SLC14A2: variants seen among roughly 807,000 people sequenced by gnomAD.
The protein encoded by SLC14A2 is solute carrier family 14 member 2, also known as urea transporter 2.
In SLC14A2, 91 loss-of-function variants were observed where a neutral mutation model predicts 104.6. That is an observed-to-expected ratio of 0.87 (90% CI 0.73 to 1.04). The LOEUF is 1.04. Among genes scored for constraint, SLC14A2 ranks in the 50% least tolerant of loss-of-function variants. The pLI, the probability that SLC14A2 is intolerant of heterozygous loss-of-function variation, is 0.00. For synonymous variants in SLC14A2, 476 were observed against 466.4 expected, an observed-to-expected ratio of 1.02 and a Z score of -0.27; for missense variants, 1,189 against 1,156.0, an observed-to-expected ratio of 1.03 and a Z score of -0.41.
At chr18:45,666,381 TCA>T (rs138028714) in intron 12 of SLC14A2, among the ~76,000 whole-genome samples, 162 bp downstream of exon 12, 1,595 of 152,326 alleles carry the variant, frequency 0.01, 23 homozygotes, top group African/African-American at 0.037. Context: ...AATGTCTCTT[TCA>T]CAGTTTACTT....
At chr18:45,349,353 A>G (rs1211343833) in intron 1 of SLC14A2, among the ~76,000 whole-genome samples, 3 of 152,230 alleles carry the variant, frequency 2.0e-5, no homozygotes, top group Non-Finnish European at 4.4e-5. Context: ...GTATACCAAA[A>G]GTGGGATGCT....
rs60977948 is a variant in SLC14A2, at chr18:45,542,035, G to GTTTTTTTTTTT, written c.-35+58740_-35+58750dup. ...GGGCTTGTTAGATGAAAGAGAGAGG[G>GTTTTTTTTTTT]TTTTTTTTTTTTTTTTTTTTTTTTT... On this transcript the variant is annotated intron_variant, in intron 2 of 20. Transcript: ENST00000586448. 7.6e-4 allele frequency among the ~76,000 whole-genome samples: 41 copies of GTTTTTTTTTTT among 54,228 alleles called. 4 individuals carry two copies. The highest frequency in any genetic ancestry group is 1.1e-3 in the African/African-American group (17 of 16,070). The allele number at this position is 54,228 out of a possible 152,430, so 35.6% of individuals were successfully genotyped here. A position where few individuals can be genotyped will look rare whatever the true frequency, so the allele number is the denominator to read the frequency against.
intron 1 of SLC14A2, among the ~76,000 whole-genome samples, chr18:45,261,062 T>C (rs1047426557): frequency 6.6e-6 from 1 of 152,278 alleles, no homozygotes; most frequent in South Asian, 2.1e-4. Flanking sequence ...GTGCACAATG[T>C]TCAGGTTAGT....
chr18:45,679,921 G>A (rs754306757), intron 19 of SLC14A2, among the ~76,000 whole-genome samples: 1 of 152,100 alleles, frequency 6.6e-6, no homozygotes, highest in Non-Finnish European at 1.5e-5. Context: ...GTACTCATTG[G>A]TCTTCTTCTA....
In SLC14A2 at chr18:45,294,586, A is replaced by G. The variant is rs112789923; in HGVS notation, c.-125+81395A>G. On this transcript the variant is annotated intron_variant, in intron 1 of 20. Coordinates refer to the SLC14A2 transcript ENST00000586448. ...AATGTGGCATGCTTGGGCCCCATAC[A>G]TTTTTTAAGTGCTTACTAAGCTATG... is the stretch of plus-strand genomic sequence containing the variant. 2.5e-3 allele frequency among the ~76,000 whole-genome samples: 375 copies of G among 152,334 alleles called. 2 individuals carry two copies. The highest frequency in any genetic ancestry group is 8.7e-3 in the African/African-American group (362 of 41,570).
intron 1 of SLC14A2, among the ~76,000 whole-genome samples, chr18:45,236,035 G>T (rs1249909134): frequency 2.3e-5 from 1 of 43,704 alleles, no homozygotes; most frequent in Non-Finnish European, 3.7e-5. Context: ...ATACATATAT[G>T]TGTGTATATA....
chr18:45,463,423 G>A (rs571642748), intron 1 of SLC14A2, among the ~76,000 whole-genome samples: 1 of 152,334 alleles, frequency 6.6e-6, no homozygotes, highest in Non-Finnish European at 1.5e-5. Context: ...TAAGGGAGAT[G>A]ATGAGGGGGG....
chr18:45,236,519 A>G lies in SLC14A2; in HGVS notation c.-125+23328A>G, dbSNP rs867229412. On this transcript the variant is annotated intron_variant, in intron 1 of 20. Transcript: ENST00000586448. ...TATATATACATGTATGTGTGTATAT[A>G]TGTGTATATATGTATATATACATGT... 4.2e-5 allele frequency among the ~76,000 whole-genome samples: 4 copies of G among 96,374 alleles called. 1 individual carries two copies. Among genetic ancestry groups the G allele is most frequent in the Non-Finnish European group, 6.1e-5 (3 of 48,946 alleles). 63.2% of individuals were successfully genotyped at this position (96,374 alleles called of 152,430 possible). A position where few individuals can be genotyped will look rare whatever the true frequency, so the allele number is the denominator to read the frequency against.
intron 10 of SLC14A2, among the ~76,000 whole-genome samples, chr18:45,645,632 A>ATATATATATATACATATATATAT (rs1568312070): frequency 1.4e-4 from 1 of 7,096 alleles, no homozygotes; most frequent in Non-Finnish European, 4.9e-4. Context: ...TACATATACA[A>ATATATATATATACATATATATAT]AGATATATAT....
At chr18:45,541,651 C>A (rs948133597) in intron 2 of SLC14A2, among the ~76,000 whole-genome samples, 3 of 152,212 alleles carry the variant, frequency 2.0e-5, no homozygotes, top group Non-Finnish European at 4.4e-5. Flanking sequence ...ACCTAAGAGC[C>A]AGACCCAGCC....
chr18:45,614,913 T>C (rs1382971306), upstream of SLC14A2: 2 of 151,186 alleles, frequency 1.3e-5, no homozygotes, highest in African/African-American at 4.9e-5. Flanking sequence ...TTCTTCTGTC[T>C]CAGCCTCCCA....
chr18:45,536,998 C>T (rs1161763319), intron 2 of SLC14A2, among the ~76,000 whole-genome samples: 2 of 144,886 alleles, frequency 1.4e-5, no homozygotes, highest in African/African-American at 5.2e-5. Flanking sequence ...GAGCTCTCAT[C>T]GGGTGGTTCG....
At chr18:45,218,896 T>TA (rs59483107) in intron 1 of SLC14A2, among the ~76,000 whole-genome samples, 28,567 of 143,066 alleles carry the variant, frequency 0.2, 2,721 homozygotes, top group African/African-American at 0.25. Context: ...CTTGCTGCTT[T>TA]AAAAAAAAAA....
the SLC14A2 span, among the ~76,000 whole-genome samples, chr18:45,171,785 G>C: frequency 2.0e-5 from 3 of 152,094 alleles, no homozygotes; most frequent in Admixed American, 6.6e-5. Context: ...CAATTTATTA[G>C]GACCTGGTGG....
In SLC14A2 at chr18:45,413,579, G is replaced by A. The variant is rs142565753; in HGVS notation, c.-124-69654G>A. On this transcript the variant is annotated intron_variant, in intron 1 of 20. Coordinates refer to the SLC14A2 transcript ENST00000586448. Reference sequence around the variant, plus strand: ...CTCTTTCCTCTCCCTGCTTAAGAAGGAGCAGTCAGAATTATAAGGTCATGG... The same window carrying A: ...CTCTTTCCTCTCCCTGCTTAAGAAGAAGCAGTCAGAATTATAAGGTCATGG... 7.2e-5 allele frequency among the ~76,000 whole-genome samples: 11 copies of A among 152,252 alleles called. No homozygotes were observed. In the East Asian group the frequency reaches 2.1e-3, roughly 29 times the overall value.
intron 1 of SLC14A2, among the ~76,000 whole-genome samples, chr18:45,247,914 A>T (rs868861721): frequency 4.4e-4 from 67 of 152,056 alleles, no homozygotes; most frequent in African/African-American, 1.6e-3. Context: ...TGGAATTACA[A>T]TTCCTGATTC....
chr18:45,673,018 C>T lies in SLC14A2; in HGVS notation c.2348C>T (p.Ala783Val). 1 of 1,614,144 alleles carries T rather than the reference C, an allele frequency of 6.2e-7. No homozygotes were observed. Residue 783 changes from alanine (A) to valine (V), a missense_variant, in exon 17 of 20, where the codon GCA becomes GTA. Coordinates refer to ENST00000255226, the MANE Select transcript of SLC14A2 (RefSeq NM_007163.4). ...TCACCTCTCATTTGCTTGCATGCAG[C>T]AATTGGATCCACCATGGGGATGCTA... ...ISSPLICLHA[A>V]IGSTMGMLAA...
chr18:45,283,326 T>C (rs1010913626), intron 1 of SLC14A2, among the ~76,000 whole-genome samples: 2 of 140,718 alleles, frequency 1.4e-5, no homozygotes, highest in Admixed American at 7.1e-5. Context: ...GCACAGCTTA[T>C]AATGCTGTGA....
At chr18:45,442,632 A>G (rs919701071) in intron 1 of SLC14A2, among the ~76,000 whole-genome samples, 1 of 152,186 alleles carries the variant, frequency 6.6e-6, no homozygotes, top group African/African-American at 2.4e-5. Context: ...TTATTTCCAA[A>G]TAAGATTATA....
Sources: gnomAD v4.1 joint callset for allele counts (sites outside exome capture counted in the v4.1 genomes callset) on GRCh38, gnomAD v4.1.1 for gene constraint, MANE v1.5 for transcripts, NCBI Gene and HGNC (gene_info 2026-07-23, HGNC 2026-07-21) for gene names.